Variants in CHRNA5 observed in about 807,000 individuals in gnomAD.
CHRNA5 encodes neuronal acetylcholine receptor subunit alpha-5.
Under a neutral mutation model 41.2 loss-of-function variants are expected in CHRNA5, and 28 were observed. That is an observed-to-expected ratio of 0.68 (90% confidence interval 0.50 to 0.93). The LOEUF (loss-of-function observed/expected upper bound fraction) is 0.93. Among genes scored for constraint, CHRNA5 ranks in the 40% least tolerant of loss-of-function variants. The pLI, the probability that CHRNA5 is intolerant of heterozygous loss-of-function variation, is 0.00. For missense variants in CHRNA5, 481 were observed against 581.9 expected, an observed-to-expected ratio of 0.83 and a Z score of 1.78; for synonymous variants, 188 against 205.8, an observed-to-expected ratio of 0.91 and a Z score of 0.74.
exon 6 of CHRNA5, chr15:78,594,113 CA>C (rs2053059219): frequency 6.6e-6 from 1 of 152,126 alleles, no homozygotes; most frequent in Admixed American, 6.5e-5. Context: ...AAATGAAAAA[CA>C]GGAATTGGGA....
intron 1 of CHRNA5, among the ~76,000 whole-genome samples, chr15:78,578,720 T>A (rs1293553310): frequency 6.6e-6 from 1 of 152,186 alleles, no homozygotes; most frequent in Non-Finnish European, 1.5e-5. Context: ...TGCTAATTTC[T>A]CTCCAACCAT....
At chr15:78,587,721 C>G (rs2052974434) in intron 3 of CHRNA5, among the ~76,000 whole-genome samples, 1 of 152,086 alleles carries the variant, frequency 6.6e-6, no homozygotes, top group African/African-American at 2.4e-5. Flanking sequence ...TTTTCTGGGC[C>G]ACCATACATA....
At chr15:78,568,622 C>T (rs1200773662) in intron 1 of CHRNA5, among the ~76,000 whole-genome samples, 1 of 152,084 alleles carries the variant, frequency 6.6e-6, no homozygotes, top group African/African-American at 2.4e-5. Flanking sequence ...TCCTAATGCT[C>T]TCCCTCCCCT....
chr15:78,567,846 T>C (rs2052764055), intron 1 of CHRNA5, among the ~76,000 whole-genome samples: 1 of 152,218 alleles, frequency 6.6e-6, no homozygotes, highest in South Asian at 2.1e-4. Context: ...AAAGTGATAC[T>C]GAATGGATGA....
chr15:78,568,481 ATTAC>A (rs1418829453), intron 1 of CHRNA5, among the ~76,000 whole-genome samples: 1 of 147,734 alleles, frequency 6.8e-6, no homozygotes, highest in Non-Finnish European at 1.5e-5. Flanking sequence ...TTTTTAAAAT[ATTAC>A]TTTAAGTTCT....
intron 1 of CHRNA5, among the ~76,000 whole-genome samples, chr15:78,569,809 TTTTTTG>T (rs757822115): frequency 4.6e-5 from 7 of 151,502 alleles, no homozygotes; most frequent in East Asian, 2.0e-4. Context: ...GTATAGTGTT[TTTTTTG>T]TTTTTGTTTT....
At chr15:78,580,279 C>CA (rs71148541) in intron 1 of CHRNA5, among the ~76,000 whole-genome samples, 5,124 of 61,080 alleles carry the variant, frequency 0.084, 441 homozygotes, top group East Asian at 0.26. Flanking sequence ...GACTCCGTCT[C>CA]AAAAAAAAAA....
At chr15:78,585,534 G>A (rs2052951235) in intron 2 of CHRNA5, among the ~76,000 whole-genome samples, 1 of 152,060 alleles carries the variant, frequency 6.6e-6, no homozygotes, top group South Asian at 2.1e-4. Context: ...TATATTTGCG[G>A]CTGGTGATTA....
Position 78,588,627 on chromosome 15 carries a change from C to T in CHRNA5, c.413+204C>T, listed in dbSNP as rs2052982950. Among the ~76,000 whole-genome samples the T allele has an allele frequency of 6.6e-6, 1 of 152,146 alleles. No homozygotes were observed. Among genetic ancestry groups the T allele is most frequent in the African/African-American group, 2.4e-5 (1 of 41,432 alleles). On this transcript the variant is annotated intron_variant, in intron 4 of 5. Coordinates refer to ENST00000299565, the Ensembl canonical transcript of CHRNA5. This position sits in a 1 kb window ranked among gnomAD's most constrained non-coding sequence, Gnocchi z 4.1. ...GTTGTTCTTTTCCAAGATCACAGAG[C>T]TAGCACATGGCAGAGTAGGGGGGTC...
At chr15:78,572,333 C>T (rs566753810) in intron 1 of CHRNA5, among the ~76,000 whole-genome samples, 4 of 152,100 alleles carry the variant, frequency 2.6e-5, no homozygotes, top group African/African-American at 9.6e-5. Context: ...TTAGAAATAA[C>T]CAAAAACTGA....
chr15:78,595,242 GATT>G (rs2053082655), exon 6 of CHRNA5: 1 of 968,290 alleles, frequency 1.0e-6, no homozygotes, highest in African/African-American at 1.8e-5. Flanking sequence ...TGTTACTTAT[GATT>G]TTTATATATA....
In CHRNA5 at chr15:78,566,655, G is replaced by C. The variant is rs536728220; in HGVS notation, c.106+830G>C. 5.9e-5 allele frequency among the ~76,000 whole-genome samples: 9 copies of C among 152,278 alleles called. 1 individual carries two copies. Among genetic ancestry groups the C allele is most frequent in the African/African-American group, 2.2e-4 (9 of 41,548 alleles). ...TCTGTATTTCAGGTTTTATGAGTGA[G>C]TTTCTTAAATAGTGGAAATATTGCA... On this transcript the variant is annotated intron_variant, in intron 1 of 5. Coordinates refer to ENST00000299565, the Ensembl canonical transcript of CHRNA5.
chr15:78,571,696 G>C lies in CHRNA5; in HGVS notation c.106+5871G>C, dbSNP rs1054717545. Among the ~76,000 whole-genome samples the C allele has an allele frequency of 4.6e-5, 7 of 151,310 alleles. No homozygotes were observed. The Admixed American group carries it at 4.6e-4, about 10-fold the overall frequency. The stretch of plus-strand genomic sequence containing the variant: ...TTTTCTTACTGCGAGTGTTCTGAGA[G>C]TCAGGGTAAGATATTAAGTTTACTA... On this transcript the variant is annotated intron_variant, in intron 1 of 5. Transcript: ENST00000299565.
In CHRNA5 at chr15:78,580,209, G is replaced by T. The variant is rs1208614600; in HGVS notation, c.107-602G>T. Among the ~76,000 whole-genome samples the T allele has an allele frequency of 1.2e-4, 17 of 145,632 alleles. No homozygotes were observed. The Admixed American group carries it at 1.2e-3, about 10-fold the overall frequency. On this transcript the variant is annotated intron_variant, in intron 1 of 5. Transcript: ENST00000299565. ...GTGGAGAATTGCTTGAATCCCAGTG[G>T]CAGAGGTTGCAATGAGCCGAGATTG...
At chr15:78,593,042 A>G in intron 5 of CHRNA5, 50 bp from the exon 6 acceptor site, 2 of 1,580,070 alleles carry the variant, frequency 1.3e-6, no homozygotes, top group Non-Finnish European at 1.7e-6. Context: ...ATCTTAAAAT[A>G]TGTACACAAT....
chr15:78,582,447 T>G (rs2052921314), intron 2 of CHRNA5, among the ~76,000 whole-genome samples: 3 of 149,034 alleles, frequency 2.0e-5, no homozygotes. Flanking sequence ...ATTGCACCAC[T>G]GCACTCCAGC....
At chr15:78,589,945 C>A (rs756066200) in exon 5 of CHRNA5, 1 of 1,614,068 alleles carries the variant, frequency 6.2e-7, no homozygotes, top group Non-Finnish European at 8.5e-7. Flanking sequence ...CAGAACTGTT[C>A]CATGAAATTT....
chr15:78,586,918 T>C (rs1235331115), intron 3 of CHRNA5, among the ~76,000 whole-genome samples: 3 of 152,282 alleles, frequency 2.0e-5, no homozygotes, highest in East Asian at 3.9e-4. Context: ...GACACTGTTA[T>C]GGGGAAACAG....
Position 78,590,582 on chromosome 15 carries a change from C to T in CHRNA5, c.1191C>T (p.Leu397=), listed in dbSNP as rs150108684. Residue 397 remains leucine (L), a synonymous_variant, in exon 5 of 6, where the codon CTC becomes CTT. Transcript: ENST00000299565. ...CTAGAAACACATTGGAAGCTGCGCTCGATTCTATTCGCTACATTACAAGAC... is the reference window on the plus strand; with the variant it reads ...CTAGAAACACATTGGAAGCTGCGCTTGATTCTATTCGCTACATTACAAGAC... 1.7e-4 allele frequency: 268 copies of T among 1,614,074 alleles called. 1 individual carries two copies. The African/African-American group carries it at 2.7e-3, about 16-fold the overall frequency.
Sources: allele counts gnomAD v4.1 joint callset (sites outside exome capture counted in the v4.1 genomes callset), GRCh38; gene constraint gnomAD v4.1.1; non-coding constraint Gnocchi (gnomAD v3.1); transcripts MANE v1.5; gene names NCBI Gene and HGNC (gene_info 2026-07-23, HGNC 2026-07-21).